Variants in FRMD4B observed in about 807,000 individuals in gnomAD.
FRMD4B encodes the protein FERM domain containing 4B.
FRMD4B carries 74 observed loss-of-function variants against 141.5 expected under a neutral mutation model. The observed-to-expected ratio is 0.52, with a 90% CI of 0.43 to 0.63. The LOEUF is 0.63. FRMD4B is among the 30% of genes least tolerant of loss of function. FRMD4B has a pLI of 0.00. For missense variants in FRMD4B, 1,366 were observed against 1,253.4 expected (o/e 1.09, Z -1.36); for synonymous variants, 506 against 467.9 (o/e 1.08, Z -1.05).
At chr3:69,394,187 C>T (rs1704435980) in intron 2 of FRMD4B, among the ~76,000 whole-genome samples, 3 of 152,190 alleles carry the variant, frequency 2.0e-5, no homozygotes, top group Non-Finnish European at 2.9e-5. Context: ...AGCCCTCTTC[C>T]TGGTTTGGAG....
intron 1 of FRMD4B, among the ~76,000 whole-genome samples, chr3:69,321,139 G>C (rs570617433): frequency 1.3e-5 from 2 of 152,272 alleles, no homozygotes; most frequent in East Asian, 1.9e-4. Context: ...CCCACTGCCT[G>C]GTTTAGGAGA....
At chr3:69,438,162 G>C (rs898855185) in intron 1 of FRMD4B, among the ~76,000 whole-genome samples, 3 of 150,760 alleles carry the variant, frequency 2.0e-5, no homozygotes, top group African/African-American at 7.3e-5. Context: ...GGAGTGTAGT[G>C]GTGCGATTGT....
intron 1 of FRMD4B, among the ~76,000 whole-genome samples, chr3:69,384,327 T>G (rs1227721355): frequency 1.3e-5 from 2 of 152,196 alleles, no homozygotes; most frequent in Non-Finnish European, 2.9e-5. Context: ...AAGCCATAAA[T>G]CCTCTGAATC....
chr3:69,404,502 C>T (rs992025333), intron 2 of FRMD4B, among the ~76,000 whole-genome samples: 2 of 152,126 alleles, frequency 1.3e-5, no homozygotes, highest in Admixed American at 6.5e-5. Context: ...TTAATTTTCA[C>T]AATGACCTAT....
intron 1 of FRMD4B, chr3:69,322,955 T>C (rs1427622194): frequency 7.0e-6 from 5 of 716,078 alleles, no homozygotes; most frequent in African/African-American, 1.9e-5. Flanking sequence ...GGTCATACAG[T>C]GATAAAGTTG....
intron 9 of FRMD4B, 114 bp from the exon 10 acceptor site, chr3:69,218,493 A>T: frequency 3.5e-6 from 2 of 576,810 alleles, no homozygotes; most frequent in Non-Finnish European, 6.1e-6. Context: ...AGAATAATTA[A>T]TATGTTTCAC....
chr3:69,394,892 A>G (rs1704448410), intron 2 of FRMD4B, among the ~76,000 whole-genome samples: 1 of 152,184 alleles, frequency 6.6e-6, no homozygotes, highest in Non-Finnish European at 1.5e-5. Context: ...GGAAGCCATC[A>G]TTCTCAGCAA....
rs184106548 is a variant in FRMD4B at position 69,438,836 on chromosome 3, T to A, written c.-128-6075A>T. On this transcript the variant is annotated intron_variant, in intron 1 of 5. Coordinates refer to the FRMD4B transcript ENST00000459638. ...CCAAAGTGGGGGTAAAATATGGAAA[T>A]ATACAGAAGAAAATGCAACAAACTC... 9.3e-4 allele frequency among the ~76,000 whole-genome samples: 141 copies of A among 152,248 alleles called. 2 individuals carry two copies. The South Asian group carries it at 0.018, about 19-fold the overall frequency.
intron 1 of FRMD4B, among the ~76,000 whole-genome samples, chr3:69,449,197 T>C (rs939847531): frequency 6.6e-6 from 1 of 152,172 alleles, no homozygotes; most frequent in African/African-American, 2.4e-5. Context: ...AACTCTAACA[T>C]TACCTCAGCG....
At chr3:69,320,834 T>C (rs1575728370) in intron 1 of FRMD4B, 2 of 152,204 alleles carry the variant, frequency 1.3e-5, no homozygotes, top group Admixed American at 6.5e-5. Flanking sequence ...TCTCCCCTCA[T>C]GGAACCCCAG....
chr3:69,476,802 C>G (rs1417872754), intron 1 of FRMD4B, among the ~76,000 whole-genome samples: 1 of 152,104 alleles, frequency 6.6e-6, no homozygotes, highest in African/African-American at 2.4e-5. Flanking sequence ...GGCAGTATGG[C>G]TATTTTCACG....
At chr3:69,183,896 T>C (rs2107605122) in intron 19 of FRMD4B, among the ~76,000 whole-genome samples, 1 of 152,164 alleles carries the variant, frequency 6.6e-6, no homozygotes, top group East Asian at 1.9e-4. Context: ...AAAATTTAAA[T>C]GTCTATAATC....
At chr3:69,212,531 C>T (rs906982953) in intron 11 of FRMD4B, among the ~76,000 whole-genome samples, 8 of 152,024 alleles carry the variant, frequency 5.3e-5, no homozygotes. Context: ...TTTCTAGACT[C>T]TGGAATGAAC....
intron 2 of FRMD4B, among the ~76,000 whole-genome samples, chr3:69,403,175 G>A (rs557899100): frequency 2.0e-5 from 3 of 152,022 alleles, no homozygotes; most frequent in Non-Finnish European, 2.9e-5. Context: ...ACTTAGCAAG[G>A]GTTCAGGGGC....
At chr3:69,363,264 T>TTTTTTTTAAATAG (rs1553730501) in intron 1 of FRMD4B, among the ~76,000 whole-genome samples, 1 of 150,520 alleles carries the variant, frequency 6.6e-6, no homozygotes, top group African/African-American at 2.5e-5. Flanking sequence ...TTTTTTTTTT[T>TTTTTTTTAAATAG]AAATAGAGAT....
intron 1 of FRMD4B, among the ~76,000 whole-genome samples, chr3:69,479,715 G>T (rs1706082013): frequency 6.6e-6 from 1 of 152,088 alleles, no homozygotes; most frequent in Admixed American, 6.5e-5. Context: ...GAGTATTTTT[G>T]TGGTGTTCTC....
At chr3:69,355,966 A>G (rs982845889) in intron 1 of FRMD4B, among the ~76,000 whole-genome samples, 3 of 152,146 alleles carry the variant, frequency 2.0e-5, no homozygotes, top group Non-Finnish European at 4.4e-5. Context: ...CGGAGGTTGC[A>G]GTGAGCTGAG....
Position 69,360,724 on chromosome 3 carries a change from G to C in FRMD4B, c.162+25104C>G, listed in dbSNP as rs1452678493. The stretch of plus-strand genomic sequence containing the variant: ...TCCTCTGTTTACCATGGTTCCTGTA[G>C]GTTGGTTGAGTCCCAAGGCTTTATC... On this transcript the variant is annotated intron_variant, in intron 1 of 22. Transcript: ENST00000398540. Among the ~76,000 whole-genome samples the C allele has an allele frequency of 2.6e-5, 4 of 152,102 alleles. No homozygotes were observed. In the East Asian group the frequency reaches 7.7e-4, roughly 29 times the overall value.
intron 1 of FRMD4B, among the ~76,000 whole-genome samples, chr3:69,481,749 G>A (rs1214863588): frequency 6.6e-6 from 1 of 152,024 alleles, no homozygotes; most frequent in African/African-American, 2.4e-5. Flanking sequence ...TCAATCTTTA[G>A]GGCCCCACAT....
Sources: allele counts gnomAD v4.1 joint callset (sites outside exome capture counted in the v4.1 genomes callset), GRCh38; gene constraint gnomAD v4.1.1; transcripts MANE v1.5; gene names NCBI Gene and HGNC (gene_info 2026-07-23, HGNC 2026-07-21).